Variants in RNF150 observed in about 807,000 individuals in gnomAD.
RNF150 encodes ring finger protein 150.
RNF150 carries 24 observed loss-of-function variants against 39.3 expected under a neutral mutation model. That is an observed-to-expected ratio of 0.61 (90% CI 0.44 to 0.86). RNF150 has a LOEUF of 0.86. RNF150 is among the 40% of genes least tolerant of loss of function. The probability of loss-of-function intolerance (pLI) is 0.00; values close to 1 mark genes in which losing one functional copy is unlikely to be tolerated. For synonymous variants in RNF150, 255 were observed against 227.3 expected (o/e 1.12, Z -1.10); for missense variants, 502 against 587.8 (o/e 0.85, Z 1.51).
rs117693060 is a variant in RNF150, at chr4:140,897,898, C to T, written c.1198+13246G>A. Among the ~76,000 whole-genome samples the T allele has an allele frequency of 6.4e-3, 977 of 152,248 alleles. 31 individuals carry two copies. Among genetic ancestry groups the T allele is most frequent in the Admixed American group, 0.048 (738 of 15,278 alleles). On this transcript the variant is annotated intron_variant, in intron 6 of 6. Transcript: ENST00000515673. Reference sequence around the variant, plus strand: ...AGGTTGAGCTATTTGTCCAAAGTTACACAGATAGCAGGTGGCAGGGTTGGG... The same window carrying T: ...AGGTTGAGCTATTTGTCCAAAGTTATACAGATAGCAGGTGGCAGGGTTGGG...
chr4:141,146,688 G>C (rs1727205752), intron 1 of RNF150, among the ~76,000 whole-genome samples: 1 of 152,136 alleles, frequency 6.6e-6, no homozygotes, highest in Admixed American at 6.5e-5. Flanking sequence ...AGTTGCCATT[G>C]AATATTAGCC....
chr4:141,010,546 T>G (rs1383168354), intron 1 of RNF150, among the ~76,000 whole-genome samples: 4 of 152,362 alleles, frequency 2.6e-5, no homozygotes, highest in African/African-American at 9.6e-5. Context: ...AACAAACTGC[T>G]AAATACTTTC....
At chr4:141,083,697 C>T (rs538424881) in intron 1 of RNF150, among the ~76,000 whole-genome samples, 6 of 151,948 alleles carry the variant, frequency 3.9e-5, no homozygotes, top group African/African-American at 7.2e-5. Flanking sequence ...ATGGCCACAA[C>T]GTTGGTTGTA....
intron 2 of RNF150, 31 bp from the exon 3 acceptor site, chr4:140,949,403 A>T: frequency 6.3e-7 from 1 of 1,585,382 alleles, no homozygotes; most frequent in Non-Finnish European, 8.7e-7. Context: ...TGTTAATAAT[A>T]AAGATCTGTA....
intron 1 of RNF150, among the ~76,000 whole-genome samples, chr4:141,005,816 C>T (rs1011271146): frequency 3.1e-5 from 4 of 130,056 alleles, no homozygotes; most frequent in Non-Finnish European, 6.9e-5. Flanking sequence ...CGCCTGTAAT[C>T]CCAGCACTTT....
At position 140,945,107 on chromosome 4, in the gene RNF150, G is replaced by C. The variant is rs534605640; in HGVS notation, c.890+2547C>G. The stretch of plus-strand genomic sequence containing the variant: ...AAATGCATTTTGTTATTTAAAGCAG[G>C]GTTCATAGTATGGAAATAATAGTAG... On this transcript the variant is annotated intron_variant, in intron 4 of 6. Coordinates refer to ENST00000515673, the MANE Select transcript of RNF150 (RefSeq NM_020724.2). Among the ~76,000 whole-genome samples, 5 of 152,152 alleles carry C rather than the reference G, an allele frequency of 3.3e-5. No individual in the cohort carries two copies. In the South Asian group the frequency reaches 8.3e-4, roughly 25 times the overall value.
At position 140,861,878 on chromosome 4, in the gene RNF150, C is replaced by T. The variant is rs1423407537; in HGVS notation, c.*6383G>A. The T allele has an allele frequency of 6.6e-6, 1 of 152,070 alleles. No individual in the cohort carries two copies. Among genetic ancestry groups the T allele is most frequent in the African/African-American group, 2.4e-5 (1 of 41,416 alleles). 9.4% of individuals were successfully genotyped at this position (152,070 alleles called of 1,614,324 possible). A position where few individuals can be genotyped will look rare whatever the true frequency, so the allele number is the denominator to read the frequency against. On this transcript the variant is annotated 3_prime_UTR_variant, in exon 7 of 7. Coordinates refer to ENST00000515673, the MANE Select transcript of RNF150 (RefSeq NM_020724.2). ...TTTAAAGATGGTGTGGTACTAAGGCCACAATTCATTTTTTAGATTTCGGGA... is the reference window on the plus strand; with the variant it reads ...TTTAAAGATGGTGTGGTACTAAGGCTACAATTCATTTTTTAGATTTCGGGA...
chr4:141,023,706 C>T (rs1406770318), intron 1 of RNF150, among the ~76,000 whole-genome samples: 1 of 152,180 alleles, frequency 6.6e-6, no homozygotes, highest in African/African-American at 2.4e-5. Context: ...GCATCATCCA[C>T]ATTTCAAGTG....
At chr4:140,979,495 A>C (rs1046635668) in intron 1 of RNF150, among the ~76,000 whole-genome samples, 14 of 152,114 alleles carry the variant, frequency 9.2e-5, no homozygotes, top group Admixed American at 5.9e-4. Flanking sequence ...GAAAGAATGC[A>C]CACAAAGAAC....
At chr4:141,212,056 G>C (rs896014282) in intron 1 of RNF150, among the ~76,000 whole-genome samples, 8 of 152,316 alleles carry the variant, frequency 5.3e-5, no homozygotes, top group Admixed American at 5.2e-4. Context: ...TCTCACTTCA[G>C]TGCTTCCAGA....
intron 1 of RNF150, among the ~76,000 whole-genome samples, chr4:141,026,079 T>G (rs1263679190): frequency 2.0e-5 from 3 of 152,102 alleles, no homozygotes; most frequent in Non-Finnish European, 4.4e-5. Flanking sequence ...AGAACTAAAT[T>G]GTCTGACGTC....
chr4:141,024,931 T>G (rs954723254), intron 1 of RNF150, among the ~76,000 whole-genome samples: 2 of 152,088 alleles, frequency 1.3e-5, no homozygotes, highest in African/African-American at 4.8e-5. Flanking sequence ...GAATAGGGAG[T>G]CTGGTTAATG....
At position 141,113,355 on chromosome 4, in the gene RNF150, C is replaced by A. The variant is rs548842446; in HGVS notation, c.484+18970G>T. Among the ~76,000 whole-genome samples, 70 of 140,098 alleles carry A rather than the reference C, an allele frequency of 5.0e-4. No individual in the cohort carries two copies. In the South Asian group the frequency reaches 7.9e-3, roughly 16 times the overall value. The allele number at this position is 140,098 out of a possible 152,430, so 91.9% of individuals were successfully genotyped here. On this transcript the variant is annotated intron_variant, in intron 1 of 6. Coordinates refer to ENST00000515673, the MANE Select transcript of RNF150 (RefSeq NM_020724.2). ...GGAAAGTTAAAAAAAAAAAAAAAAG[C>A]AGGGGTTGCAATCCTAGTCTTCAAT...
chr4:141,085,976 G>C (rs2110993313), intron 1 of RNF150, among the ~76,000 whole-genome samples: 1 of 151,598 alleles, frequency 6.6e-6, no homozygotes, highest in Non-Finnish European at 1.5e-5. Flanking sequence ...AGAGTTTGAA[G>C]AGTCAATAAA....
At chr4:141,109,974 T>C (rs141835604) in intron 1 of RNF150, among the ~76,000 whole-genome samples, 1 of 152,204 alleles carries the variant, frequency 6.6e-6, no homozygotes, top group Non-Finnish European at 1.5e-5. Flanking sequence ...AGAAACAAAT[T>C]GGAGTTCAGG....
intron 1 of RNF150, among the ~76,000 whole-genome samples, chr4:141,154,267 A>T (rs1727347261): frequency 6.6e-6 from 1 of 152,148 alleles, no homozygotes; most frequent in African/African-American, 2.4e-5. Flanking sequence ...TTTCCAACTT[A>T]CGTTCTTCCC....
At chr4:141,150,328 C>T (rs1727275787) in intron 1 of RNF150, among the ~76,000 whole-genome samples, 1 of 152,154 alleles carries the variant, frequency 6.6e-6, no homozygotes, top group South Asian at 2.1e-4. Context: ...GACTCCTTGC[C>T]TTCTTTCATA....
chr4:140,925,957 G>A lies in RNF150; in HGVS notation c.987+20C>T, dbSNP rs757818190. Reference sequence around the variant, plus strand: ...GCAGAAAGACAGACATTATAATGCTGTAGGCTGTGCTGTGCTTACCGGGAT... The same window carrying A: ...GCAGAAAGACAGACATTATAATGCTATAGGCTGTGCTGTGCTTACCGGGAT... On this transcript the variant is annotated intron_variant, in intron 5 of 6. Transcript: ENST00000515673. 46 of 1,531,100 alleles carry A rather than the reference G, an allele frequency of 3.0e-5. No individual in the cohort carries two copies. In the East Asian group the frequency reaches 4.0e-4, roughly 13 times the overall value. The allele number at this position is 1,531,100 out of a possible 1,614,324, so 94.8% of individuals were successfully genotyped here.
In RNF150 at chr4:141,132,508, C is replaced by A. The variant is rs914364853; in HGVS notation, c.301G>T (p.Ala101Ser). 4.4e-6 allele frequency: 7 copies of A among 1,604,946 alleles called. No homozygotes were observed. The highest frequency in any genetic ancestry group is 5.9e-6 in the Non-Finnish European group (7 of 1,176,758). ...GCGAACTTGGTGTTGGGGTCGCAGG[C>A]CAGGCGGTCGTGGGCCGAGCTGGCC... is the stretch of plus-strand genomic sequence containing the variant. ...VMASSAHDRL[A>S]CDPNTKFAAP... Residue 101 changes from alanine (A) to serine (S), a missense_variant, in exon 1 of 7, where the codon GCC becomes TCC. Transcript: ENST00000515673. This position sits in a 1 kb window ranked among gnomAD's most constrained non-coding sequence, Gnocchi z 4.9.
Sources: gnomAD v4.1 joint callset for allele counts (sites outside exome capture counted in the v4.1 genomes callset) on GRCh38, gnomAD v4.1.1 for gene constraint, Gnocchi (gnomAD v3.1) non-coding constraint, MANE v1.5 for transcripts, NCBI Gene and HGNC (gene_info 2026-07-23, HGNC 2026-07-21) for gene names.